THBS4: variants seen among roughly 807,000 people sequenced by gnomAD.
THBS4 encodes the protein thrombospondin-4.
In THBS4, 90 loss-of-function variants were observed where a neutral mutation model predicts 115.7. That is an observed-to-expected ratio of 0.78 (90% CI 0.66 to 0.93). The LOEUF is 0.93. Among genes scored for constraint, THBS4 ranks in the 40% least tolerant of loss-of-function variants. The pLI, the probability that THBS4 is intolerant of heterozygous loss-of-function variation, is 0.00. For missense variants in THBS4, 1,087 were observed against 1,232.7 expected (o/e 0.88, Z 1.77); for synonymous variants, 460 against 479.3 (o/e 0.96, Z 0.53).
intron 2 of THBS4, among the ~76,000 whole-genome samples, chr5:80,002,916 A>C (rs2151150656): frequency 6.6e-6 from 1 of 151,178 alleles, no homozygotes; most frequent in East Asian, 1.9e-4. Flanking sequence ...TTAACGAAAG[A>C]TCATTTGAAA....
At chr5:80,008,702 G>A (rs775181036) in intron 2 of THBS4, among the ~76,000 whole-genome samples, 2 of 152,058 alleles carry the variant, frequency 1.3e-5, no homozygotes, top group Non-Finnish European at 2.9e-5. Flanking sequence ...GTTGTGAGGG[G>A]CTCTCGTACA....
chr5:80,052,841 T>C (rs1212441879), intron 2 of THBS4: 21 of 152,364 alleles, frequency 1.4e-4, no homozygotes, highest in African/African-American at 4.8e-4. Context: ...TAAATAGGTA[T>C]TCTTGGCTAG....
intron 2 of THBS4, among the ~76,000 whole-genome samples, chr5:80,054,611 G>A (rs898610700): frequency 9.9e-5 from 15 of 152,170 alleles, no homozygotes; most frequent in Admixed American, 2.0e-4. Flanking sequence ...GAGCCACTGC[G>A]CCCAGCCTGG....
chr5:80,070,837 C>T, intron 12 of THBS4, 87 bp downstream of exon 12: 1 of 1,565,284 alleles, frequency 6.4e-7, no homozygotes. Context: ...GTATATGAAT[C>T]ATCCCAAATG....
At chr5:80,066,535 TA>T (rs1833831066) in intron 9 of THBS4, 1 of 151,898 alleles carries the variant, frequency 6.6e-6, no homozygotes, top group African/African-American at 2.4e-5. Context: ...GGTACAAGAG[TA>T]GTTTGAGGCT....
intron 2 of THBS4, among the ~76,000 whole-genome samples, chr5:80,007,827 T>A (rs1832048483): frequency 6.6e-6 from 1 of 152,224 alleles, no homozygotes; most frequent in South Asian, 2.1e-4. Context: ...TCACTTTTCT[T>A]CTACTGATGT....
At chr5:80,069,539 T>C (rs374853483) in intron 10 of THBS4, among the ~76,000 whole-genome samples, 2 of 152,326 alleles carry the variant, frequency 1.3e-5, no homozygotes, top group South Asian at 2.1e-4. Context: ...TTAATATGTT[T>C]TTGAATTTGT....
intron 1 of THBS4, 78 bp from the exon 2 acceptor site, chr5:80,039,999 C>G: frequency 8.4e-7 from 1 of 1,186,094 alleles, no homozygotes; most frequent in Non-Finnish European, 1.2e-6. Context: ...TCAAATTGCA[C>G]CCCCCCCAAA....
intron 2 of THBS4, among the ~76,000 whole-genome samples, chr5:80,029,698 G>A (rs907742203): frequency 4.0e-5 from 6 of 151,842 alleles, no homozygotes; most frequent in African/African-American, 9.7e-5. Context: ...GGTGGCTCAC[G>A]CCTGTAATCC....
rs1031235515 is a variant in THBS4, at chr5:80,035,921, G to A, written c.88+296G>A. ...CTTCAAAACTTGCTACACGGTCCTA[G>A]ACCTCTTAACATGTTAGGCTCTGGT... On this transcript the variant is annotated intron_variant, in intron 1 of 21. Coordinates refer to ENST00000350881, the MANE Select transcript of THBS4 (RefSeq NM_003248.6). This position sits in a 1 kb window ranked among gnomAD's most constrained non-coding sequence, Gnocchi z 4.6. 2.4e-5 allele frequency: 24 copies of A among 1,015,460 alleles called. No individual in the cohort carries two copies. The highest frequency in any genetic ancestry group is 2.7e-5 in the Non-Finnish European group (22 of 822,434). The allele number at this position is 1,015,460 out of a possible 1,614,324, so 62.9% of individuals were successfully genotyped here.
intron 5 of THBS4, 56 bp from the exon 6 acceptor site, chr5:80,059,384 C>A: frequency 6.5e-7 from 1 of 1,527,682 alleles, no homozygotes; most frequent in South Asian, 1.1e-5. Context: ...TCTTTCATTC[C>A]TGGATGATAT....
intron 2 of THBS4, among the ~76,000 whole-genome samples, chr5:80,001,315 A>G (rs745707371): frequency 6.6e-6 from 1 of 152,230 alleles, no homozygotes; most frequent in Non-Finnish European, 1.5e-5. Context: ...AGTGGCATTT[A>G]TTGAATTCTT....
intron 2 of THBS4, among the ~76,000 whole-genome samples, chr5:80,045,648 A>T (rs775190643): frequency 6.6e-6 from 1 of 150,896 alleles, no homozygotes; most frequent in Non-Finnish European, 1.5e-5. Flanking sequence ...CTCCTGCCTC[A>T]GCCTCCCAAT....
chr5:80,058,833 A>T, intron 5 of THBS4, 43 bp downstream of exon 5: 1 of 1,572,410 alleles, frequency 6.4e-7, no homozygotes, highest in Non-Finnish European at 8.7e-7. Context: ...TCGTCTTCTT[A>T]GAGCAGCTCC....
intron 15 of THBS4, among the ~76,000 whole-genome samples, chr5:80,076,514 C>T (rs1743224326): frequency 6.6e-6 from 1 of 152,174 alleles, no homozygotes; most frequent in Non-Finnish European, 1.5e-5. Context: ...CTGTCTGGTT[C>T]CACTGCCTGT....
chr5:80,007,265 A>G (rs1189484239), intron 2 of THBS4, among the ~76,000 whole-genome samples: 2 of 152,272 alleles, frequency 1.3e-5, no homozygotes, highest in Non-Finnish European at 2.9e-5. Flanking sequence ...TCACAGACAT[A>G]TACAATAGCA....
intron 15 of THBS4, among the ~76,000 whole-genome samples, chr5:80,075,043 A>G (rs6897999): frequency 0.25 from 38,197 of 152,108 alleles, 5,529 homozygotes; most frequent in East Asian, 0.41. Context: ...CATATAACCT[A>G]TACCTGTCCT....
At chr5:80,072,573 A>G in intron 14 of THBS4, 177 bp downstream of exon 14, 1 of 632,998 alleles carries the variant, frequency 1.6e-6, no homozygotes, top group Non-Finnish European at 2.8e-6. Context: ...AACACCACAC[A>G]AGATCTGAAG....
intron 3 of THBS4, 94 bp downstream of exon 3, chr5:80,056,126 T>C: frequency 7.0e-7 from 1 of 1,419,594 alleles, no homozygotes; most frequent in Admixed American, 2.7e-5. Context: ...CTGCTGCAGG[T>C]CAGTGGGTCT....
Sources: gnomAD v4.1 joint callset for allele counts (sites outside exome capture counted in the v4.1 genomes callset) on GRCh38, gnomAD v4.1.1 for gene constraint, Gnocchi (gnomAD v3.1) non-coding constraint, MANE v1.5 for transcripts, NCBI Gene and HGNC (gene_info 2026-07-23, HGNC 2026-07-21) for gene names.